Variants in EGFL6 observed in about 807,000 individuals in gnomAD.
EGFL6 encodes the protein epidermal growth factor-like protein 6.
EGFL6 carries 42 observed loss-of-function variants against 43.1 expected under a neutral mutation model. The observed-to-expected ratio is 0.98, with a 90% CI of 0.76 to 1.26. EGFL6 has a LOEUF of 1.26. Among genes scored for constraint, EGFL6 ranks in the 50% most tolerant of loss-of-function variants. The pLI is 0.00. For missense variants in EGFL6, 429 were observed against 427.8 expected, an observed-to-expected ratio of 1.00 and a Z score of -0.02; for synonymous variants, 164 against 163.2, an observed-to-expected ratio of 1.01 and a Z score of -0.04.
At chrX:13,580,309 C>T (rs1056572056) in intron 1 of EGFL6, among the ~76,000 whole-genome samples, 2 of 111,680 alleles carry the variant, frequency 1.8e-5, no homozygotes, top group African/African-American at 6.5e-5. Flanking sequence ...TATGTATATT[C>T]ATGTCTTCAA....
intron 10 of EGFL6, among the ~76,000 whole-genome samples, chrX:13,626,478 T>TG (rs2045781069): frequency 8.9e-6 from 1 of 112,255 alleles, no homozygotes; most frequent in Admixed American, 9.4e-5. Context: ...AGAGTGTTCC[T>TG]GTCATCCTAA....
Position 13,617,904 on chromosome X carries a change from A to G in EGFL6, c.953A>G (p.Tyr318Cys), listed in dbSNP as rs1355438307. ...TPKVNLQPFN[Y>C]EEIVSRGGNS... ...AAGGTGAACTTGCAGCCCTTCAACT[A>G]TGAAGAGATAGTTTCCAGAGGCGGG... is the stretch of plus-strand genomic sequence containing the variant. Residue 318 changes from tyrosine to cysteine, a missense_variant, in exon 8 of 12, where the codon TAT (tyrosine) becomes TGT (cysteine). By Grantham distance (194) the Tyr-to-Cys change is radical. Transcript: ENST00000361306. 41 of 1,209,641 alleles carry G rather than the reference A, an allele frequency of 3.4e-5. No homozygotes were observed. The highest frequency in any genetic ancestry group is 4.2e-5 in the Non-Finnish European group (38 of 895,219).
intron 11 of EGFL6, among the ~76,000 whole-genome samples, chrX:13,627,829 G>A (rs925526287): frequency 8.9e-6 from 1 of 111,795 alleles, no homozygotes; most frequent in African/African-American, 3.3e-5. Context: ...GAATCCAGGA[G>A]AGACCAGGCA....
chrX:13,578,678 G>A (rs1276335499), intron 1 of EGFL6, among the ~76,000 whole-genome samples: 2 of 110,450 alleles, frequency 1.8e-5, no homozygotes, highest in African/African-American at 6.6e-5. Flanking sequence ...CTATCGCAAG[G>A]ACAAAAAACC....
At chrX:13,631,134 G>T (rs1602663068) in intron 11 of EGFL6, among the ~76,000 whole-genome samples, 1 of 112,189 alleles carries the variant, frequency 8.9e-6, no homozygotes, top group South Asian at 3.7e-4. Flanking sequence ...ATTTTGATAG[G>T]CTATATGTGC....
At chrX:13,582,285 T>A (rs2146963579) in intron 1 of EGFL6, among the ~76,000 whole-genome samples, 1 of 109,894 alleles carries the variant, frequency 9.1e-6, no homozygotes, top group South Asian at 4.0e-4. Context: ...ATGATCTCGA[T>A]CTCCTAACCT....
intron 11 of EGFL6, among the ~76,000 whole-genome samples, chrX:13,628,846 GT>G (rs2045796269): frequency 8.9e-6 from 1 of 112,156 alleles, no homozygotes; most frequent in African/African-American, 3.2e-5. Flanking sequence ...GAAAAGTTTG[GT>G]CAAGGTGGGA....
intron 1 of EGFL6, among the ~76,000 whole-genome samples, chrX:13,572,870 G>C (rs1313108724): frequency 1.8e-5 from 2 of 111,959 alleles, no homozygotes; most frequent in Non-Finnish European, 3.8e-5. Context: ...CTGAAGACCG[G>C]AAGTCCATAA....
chrX:13,630,061 G>C (rs1001388516), intron 11 of EGFL6, among the ~76,000 whole-genome samples: 1 of 111,621 alleles, frequency 9.0e-6, no homozygotes, highest in Non-Finnish European at 1.9e-5. Context: ...TTTCTGCCCA[G>C]GGCTCTGCCA....
intron 1 of EGFL6, among the ~76,000 whole-genome samples, chrX:13,583,436 T>A (rs1169259380): frequency 1.8e-5 from 2 of 111,405 alleles, no homozygotes; most frequent in Non-Finnish European, 3.8e-5. Context: ...GGTCATATGT[T>A]GGAATATAAT....
chrX:13,617,503 G>C (rs1475817706), intron 7 of EGFL6, among the ~76,000 whole-genome samples: 1 of 112,175 alleles, frequency 8.9e-6, no homozygotes, highest in African/African-American at 3.2e-5. Context: ...GGTCTCCGAA[G>C]CAAAACAAAA....
intron 4 of EGFL6, among the ~76,000 whole-genome samples, chrX:13,600,783 C>T (rs1233546289): frequency 9.5e-6 from 1 of 104,895 alleles, no homozygotes; most frequent in East Asian, 2.9e-4. Context: ...TGGTAGGGCA[C>T]CTGTAATCTC....
intron 11 of EGFL6, among the ~76,000 whole-genome samples, chrX:13,627,724 G>A (rs1201685719): frequency 1.8e-5 from 2 of 111,773 alleles, no homozygotes; most frequent in Non-Finnish European, 3.8e-5. Flanking sequence ...CAGTGATTCC[G>A]TAAAAGGACT....
chrX:13,593,627 G>A (rs1251959078), intron 2 of EGFL6, among the ~76,000 whole-genome samples: 1 of 111,905 alleles, frequency 8.9e-6, no homozygotes, highest in African/African-American at 3.2e-5. Context: ...GGGAAAGCAG[G>A]GAGAGGGATT....
chrX:13,577,341 T>TAC (rs1555953254), intron 1 of EGFL6, among the ~76,000 whole-genome samples: 19 of 12,012 alleles, frequency 1.6e-3, no homozygotes, highest in African/African-American at 4.2e-3. Context: ...TATATATATA[T>TAC]ACATACACAC....
intron 7 of EGFL6, among the ~76,000 whole-genome samples, chrX:13,614,643 G>A (rs2045708941): frequency 9.0e-6 from 1 of 111,680 alleles, no homozygotes; most frequent in Non-Finnish European, 1.9e-5. Context: ...CCTCCCGAGA[G>A]AAATTGTCAA....
chrX:13,588,834 A>G (rs2045547372), intron 1 of EGFL6, among the ~76,000 whole-genome samples: 1 of 112,667 alleles, frequency 8.9e-6, no homozygotes, highest in Non-Finnish European at 1.9e-5. Flanking sequence ...TCTGTTTACT[A>G]TTGCCTATGG....
intron 1 of EGFL6, among the ~76,000 whole-genome samples, chrX:13,572,067 C>T (rs2045446135): frequency 1.8e-5 from 2 of 112,310 alleles, no homozygotes; most frequent in East Asian, 2.8e-4. Context: ...ACACAATTAA[C>T]GCTCATCAAA....
intron 7 of EGFL6, among the ~76,000 whole-genome samples, chrX:13,610,310 C>A (rs1477858462): frequency 8.9e-6 from 1 of 112,225 alleles, no homozygotes; most frequent in Non-Finnish European, 1.9e-5. Flanking sequence ...AGGTTACATT[C>A]TCTCTTAAAA....
Sources: gnomAD v4.1 joint callset for allele counts (sites outside exome capture counted in the v4.1 genomes callset) on GRCh38, gnomAD v4.1.1 for gene constraint, MANE v1.5 for transcripts, NCBI Gene and HGNC (gene_info 2026-07-23, HGNC 2026-07-21) for gene names.